PTPRD: variants seen among roughly 807,000 people sequenced by gnomAD.
The protein encoded by PTPRD is receptor-type tyrosine-protein phosphatase delta.
A neutral mutation model predicts 214.5 loss-of-function variants in PTPRD; 34 were observed. That is an observed-to-expected ratio of 0.16 (90% CI 0.12 to 0.21). The LOEUF is 0.21. PTPRD is among the 10% of genes least tolerant of loss of function. The pLI is 1.00. For synonymous variants in PTPRD, 1,128 were observed against 845.7 expected (o/e 1.33, Z -5.79); for missense variants, 2,545 against 2,398.7 (o/e 1.06, Z -1.27).
At chr9:9,365,730 T>C (rs1190553582) in intron 9 of PTPRD, among the ~76,000 whole-genome samples, 1 of 151,498 alleles carries the variant, frequency 6.6e-6, no homozygotes, top group African/African-American at 2.4e-5. Context: ...GCCTCCTTCC[T>C]TGTGTGCTGT....
At chr9:9,450,950 T>TACACACACACACACAG (rs1555421723) in intron 8 of PTPRD, among the ~76,000 whole-genome samples, 7 of 136,590 alleles carry the variant, frequency 5.1e-5, no homozygotes, top group African/African-American at 2.0e-4. Context: ...CATACATACA[T>TACACACACACACACAG]ACACACACAC....
At chr9:9,321,284 A>T (rs1966343808) in intron 9 of PTPRD, among the ~76,000 whole-genome samples, 1 of 152,178 alleles carries the variant, frequency 6.6e-6, no homozygotes, top group African/African-American at 2.4e-5. Context: ...GGCTGGGTGC[A>T]GTGGCTCATG....
At chr9:8,679,095 T>C (rs2097498146) in intron 12 of PTPRD, among the ~76,000 whole-genome samples, 1 of 152,140 alleles carries the variant, frequency 6.6e-6, no homozygotes, top group African/African-American at 2.4e-5. Context: ...AAGGTGGTAG[T>C]ACAGGAATAG....
At chr9:9,095,411 T>C (rs1229284119) in intron 10 of PTPRD, among the ~76,000 whole-genome samples, 3 of 152,196 alleles carry the variant, frequency 2.0e-5, no homozygotes, top group Admixed American at 2.0e-4. Context: ...AAAGTCAACA[T>C]ACAAAAATCA....
intron 9 of PTPRD, among the ~76,000 whole-genome samples, chr9:9,366,982 A>G (rs2058062210): frequency 6.6e-6 from 1 of 151,458 alleles, no homozygotes. Flanking sequence ...TGTCCTGCGA[A>G]ATTTGGTAGT....
At chr9:8,447,005 T>G (rs1372978149) in intron 34 of PTPRD, among the ~76,000 whole-genome samples, 2 of 152,354 alleles carry the variant, frequency 1.3e-5, no homozygotes, top group African/African-American at 2.4e-5. Flanking sequence ...CAGCGGAGTC[T>G]ATTTCCTTTG....
chr9:8,858,872 G>A (rs2154545168), intron 11 of PTPRD, among the ~76,000 whole-genome samples: 1 of 151,830 alleles, frequency 6.6e-6, no homozygotes, highest in Admixed American at 6.6e-5. Context: ...CCAGAGGAGG[G>A]GGCGGGGTGA....
intron 7 of PTPRD, among the ~76,000 whole-genome samples, chr9:9,620,231 G>C (rs2095161917): frequency 6.6e-6 from 1 of 152,076 alleles, no homozygotes; most frequent in East Asian, 1.9e-4. Flanking sequence ...TGCAGAGAAA[G>C]AAAAGTGCAC....
At chr9:10,580,566 G>C (rs1308197176) in intron 2 of PTPRD, among the ~76,000 whole-genome samples, 1 of 152,046 alleles carries the variant, frequency 6.6e-6, no homozygotes, top group Non-Finnish European at 1.5e-5. Context: ...GGATTGAGTA[G>C]AAATGCTGTC....
chr9:9,671,881 G>T (rs977800047), intron 7 of PTPRD, among the ~76,000 whole-genome samples: 4 of 152,098 alleles, frequency 2.6e-5, no homozygotes, highest in African/African-American at 9.7e-5. Context: ...GACTAATACA[G>T]GGGAAGACTT....
intron 4 of PTPRD, among the ~76,000 whole-genome samples, chr9:9,945,044 A>C (rs1373979264): frequency 6.6e-6 from 1 of 152,152 alleles, no homozygotes; most frequent in Non-Finnish European, 1.5e-5. Context: ...AGGTAAAAAG[A>C]ATTTGTGAGC....
intron 11 of PTPRD, among the ~76,000 whole-genome samples, chr9:8,933,975 T>C (rs71497118): frequency 0.12 from 17,937 of 151,982 alleles, 1,192 homozygotes; most frequent in South Asian, 0.19. Context: ...TATTTCCTTT[T>C]GGGGCTGGGA....
intron 8 of PTPRD, among the ~76,000 whole-genome samples, chr9:9,486,181 A>AAAAAAC (rs1311084260): frequency 7.4e-6 from 1 of 135,274 alleles, no homozygotes; most frequent in Admixed American, 7.4e-5. Flanking sequence ...AAAAAAAAAA[A>AAAAAAC]AAAAGCCTTC....
chr9:8,481,161 A>AAAC (rs2096876590), intron 30 of PTPRD, among the ~76,000 whole-genome samples: 1 of 151,254 alleles, frequency 6.6e-6, no homozygotes, highest in Non-Finnish European at 1.5e-5. Flanking sequence ...AAAAAAAAAA[A>AAAC]AAAAATAAGA....
At chr9:9,468,017 G>T (rs1294392393) in intron 8 of PTPRD, among the ~76,000 whole-genome samples, 3 of 151,926 alleles carry the variant, frequency 2.0e-5, no homozygotes, top group African/African-American at 7.3e-5. Context: ...AGTGATTTAG[G>T]AACTTTATAC....
chr9:10,524,911 C>A (rs1457687819), intron 2 of PTPRD, among the ~76,000 whole-genome samples: 1 of 148,922 alleles, frequency 6.7e-6, no homozygotes, highest in Non-Finnish European at 1.5e-5. Context: ...AAAAACAAAC[C>A]AAAATATGAT....
intron 9 of PTPRD, among the ~76,000 whole-genome samples, chr9:9,259,960 T>A (rs1050187355): frequency 6.6e-6 from 1 of 151,930 alleles, no homozygotes; most frequent in Non-Finnish European, 1.5e-5. Flanking sequence ...CAATGCTTAG[T>A]GACTTCTGAA....
intron 5 of PTPRD, among the ~76,000 whole-genome samples, chr9:9,848,697 T>A (rs1018813052): frequency 1.3e-5 from 2 of 152,048 alleles, no homozygotes; most frequent in African/African-American, 4.8e-5. Context: ...ACAAAATAGA[T>A]AAATATCAAA....
intron 11 of PTPRD, among the ~76,000 whole-genome samples, chr9:8,902,862 A>T (rs1174391403): frequency 6.6e-6 from 1 of 152,198 alleles, no homozygotes; most frequent in Non-Finnish European, 1.5e-5. Flanking sequence ...ATTCGAAGGT[A>T]ATCATAATTT....
Sources: gnomAD v4.1 joint callset for allele counts (sites outside exome capture counted in the v4.1 genomes callset) on GRCh38, gnomAD v4.1.1 for gene constraint, MANE v1.5 for transcripts, NCBI Gene and HGNC (gene_info 2026-07-23, HGNC 2026-07-21) for gene names.